Variants in RBFOX1 observed in about 807,000 individuals in gnomAD.
RBFOX1 encodes the protein RNA binding fox-1 homolog 1, also known as RNA binding protein fox-1 homolog 1.
RBFOX1 carries 8 observed loss-of-function variants against 57.7 expected under a neutral mutation model. That is an observed-to-expected ratio of 0.14 (90% CI 0.08 to 0.25). The LOEUF (loss-of-function observed/expected upper bound fraction) is 0.25, where lower values mean the gene tolerates loss of function less well. Ranked by LOEUF, RBFOX1 falls within the 10% of genes least tolerant of loss-of-function variation. The pLI is 1.00. For missense variants in RBFOX1, 611 were observed against 548.5 expected (o/e 1.11, Z -1.14); for synonymous variants, 326 against 222.4 (o/e 1.47, Z -4.15).
intron 1 of RBFOX1, among the ~76,000 whole-genome samples, chr16:5,255,524 C>G (rs1323849905): frequency 3.3e-5 from 5 of 151,792 alleles, no homozygotes; most frequent in Non-Finnish European, 7.4e-5. Flanking sequence ...ACCCATGCAT[C>G]TATCCACCCA....
intron 3 of RBFOX1, among the ~76,000 whole-genome samples, chr16:5,713,726 A>G (rs2051579686): frequency 6.6e-6 from 1 of 152,190 alleles, no homozygotes; most frequent in Admixed American, 6.5e-5. Context: ...CAAAGTGCCC[A>G]CAGCATCACA....
At chr16:6,751,276 G>A (rs754882840) in intron 3 of RBFOX1, among the ~76,000 whole-genome samples, 21 of 152,152 alleles carry the variant, frequency 1.4e-4, no homozygotes, top group African/African-American at 4.8e-5. Context: ...ATGGGGAGTA[G>A]GTGGCTAAGG....
chr16:7,435,055 A>T (rs1011108413), intron 4 of RBFOX1, among the ~76,000 whole-genome samples: 1 of 152,166 alleles, frequency 6.6e-6, no homozygotes, highest in Non-Finnish European at 1.5e-5. Flanking sequence ...TGGTACGTTT[A>T]TCACAACTAA....
intron 3 of RBFOX1, among the ~76,000 whole-genome samples, chr16:5,742,604 C>G (rs1266197802): frequency 6.6e-6 from 1 of 152,172 alleles, no homozygotes; most frequent in Non-Finnish European, 1.5e-5. Context: ...CATCAAAGCT[C>G]TTGGTCAAGC....
At position 6,835,005 on chromosome 16, in the gene RBFOX1, G is replaced by A. The variant is rs954539226; in HGVS notation, c.-16+180355G>A. On this transcript the variant is annotated intron_variant, in intron 3 of 15. Coordinates refer to ENST00000550418, the MANE Select transcript of RBFOX1 (RefSeq NM_018723.4). Reference sequence around the variant, plus strand: ...TCTCCCAGGTTCACGCCATTCTCCTGCCTCAGCCTCCTGAGTAGCTGGGAC... The same window carrying A: ...TCTCCCAGGTTCACGCCATTCTCCTACCTCAGCCTCCTGAGTAGCTGGGAC... Among the ~76,000 whole-genome samples, 6 of 150,844 alleles carry A rather than the reference G, an allele frequency of 4.0e-5. No individual in the cohort carries two copies. The East Asian group carries it at 7.9e-4, about 20-fold the overall frequency.
At position 5,541,132 on chromosome 16, in the gene RBFOX1, G is replaced by A. The variant is rs555651708; in HGVS notation, c.259-57770G>A. 2.6e-5 allele frequency among the ~76,000 whole-genome samples: 4 copies of A among 152,266 alleles called. No individual in the cohort carries two copies. In the East Asian group the frequency reaches 7.7e-4, roughly 29 times the overall value. On this transcript the variant is annotated intron_variant, in intron 2 of 2. Coordinates refer to the RBFOX1 transcript ENST00000585867. ...CCCAAAGTGCTGGGATTACAGACAT[G>A]AGCCTCCATGCCTGGCCTGAATCTG... is the stretch of plus-strand genomic sequence containing the variant.
chr16:6,436,590 G>T (rs2094242651), intron 2 of RBFOX1, among the ~76,000 whole-genome samples: 1 of 150,428 alleles, frequency 6.6e-6, no homozygotes, highest in African/African-American at 2.4e-5. Flanking sequence ...TTTTCTGGGG[G>T]GAAAAATTAC....
In RBFOX1 at chr16:7,518,359, G is replaced by T. The variant is rs1006821072; in HGVS notation, c.240G>T (p.Thr80=). The T allele has an allele frequency of 1.2e-6, 2 of 1,612,760 alleles. No individual in the cohort carries two copies. Among genetic ancestry groups the T allele is most frequent in the Middle Eastern group, 1.7e-4 (1 of 6,060 alleles). The part of the protein sequence containing the change: ...QTHSEQSPAD[T]SAQTVSGTAT... ...ACTCCGAGCAGAGCCCGGCGGACACGAGCGCTCAGACCGTCTCTGGCACCG... is the reference window on the plus strand; with the variant it reads ...ACTCCGAGCAGAGCCCGGCGGACACTAGCGCTCAGACCGTCTCTGGCACCG... Residue 80 remains threonine, a synonymous_variant, in exon 5 of 16, where the codon ACG becomes ACT. Transcript: ENST00000550418.
chr16:5,487,522 G>T (rs1344066343), intron 2 of RBFOX1, among the ~76,000 whole-genome samples: 1 of 152,200 alleles, frequency 6.6e-6, no homozygotes, highest in Non-Finnish European at 1.5e-5. Flanking sequence ...ACTCAAGTCT[G>T]GAAAGGTTGG....
intron 3 of RBFOX1, among the ~76,000 whole-genome samples, chr16:5,645,547 A>G (rs1032238912): frequency 6.6e-6 from 1 of 152,222 alleles, no homozygotes; most frequent in African/African-American, 2.4e-5. Context: ...TTTTCTATTT[A>G]TGTAAATTGT....
At chr16:7,460,368 A>AG (rs2059309292) in intron 4 of RBFOX1, among the ~76,000 whole-genome samples, 1 of 42,880 alleles carries the variant, frequency 2.3e-5, no homozygotes, top group Non-Finnish European at 3.7e-5. Context: ...ATCATTTAGC[A>AG]AAATATATAT....
intron 3 of RBFOX1, among the ~76,000 whole-genome samples, chr16:5,680,159 G>C (rs543289324): frequency 2.3e-4 from 35 of 152,102 alleles, no homozygotes; most frequent in Non-Finnish European, 4.3e-4. Context: ...GGGGGTAAAG[G>C]TACAAAAACA....
intron 4 of RBFOX1, among the ~76,000 whole-genome samples, chr16:5,959,760 C>T (rs567529687): frequency 1.7e-4 from 26 of 152,186 alleles, no homozygotes; most frequent in African/African-American, 4.8e-4. Flanking sequence ...TGTAGTGAGC[C>T]GAGATCGCAC....
chr16:6,589,070 T>C (rs2097672817), intron 2 of RBFOX1, among the ~76,000 whole-genome samples: 1 of 150,490 alleles, frequency 6.6e-6, no homozygotes. Flanking sequence ...AGTGACATGA[T>C]GCTTTTCTAA....
chr16:6,052,807 A>AAT (rs1555488786), intron 1 of RBFOX1, among the ~76,000 whole-genome samples: 1 of 74,016 alleles, frequency 1.4e-5, no homozygotes, highest in African/African-American at 3.3e-5. Flanking sequence ...AATAAAATAT[A>AAT]ATAATAATAA....
At chr16:6,366,008 A>G (rs2089535858) in intron 2 of RBFOX1, among the ~76,000 whole-genome samples, 1 of 151,762 alleles carries the variant, frequency 6.6e-6, no homozygotes, top group South Asian at 2.1e-4. Context: ...CATTTTAGAA[A>G]TAGAAGCCAC....
chr16:5,599,096 G>C, exon 3 of RBFOX1: 2 of 867,358 alleles, frequency 2.3e-6, no homozygotes, highest in Non-Finnish European at 3.7e-6. Flanking sequence ...AATTAACTGG[G>C]TTTGAGGGGA....
chr16:6,596,990 A>C (rs2097782453), intron 2 of RBFOX1, among the ~76,000 whole-genome samples: 1 of 152,138 alleles, frequency 6.6e-6, no homozygotes, highest in African/African-American at 2.4e-5. Context: ...TGAGCTCTCG[A>C]GAGGGGAACT....
chr16:7,056,412 A>G (rs2052283937), intron 4 of RBFOX1, among the ~76,000 whole-genome samples: 1 of 152,126 alleles, frequency 6.6e-6, no homozygotes, highest in African/African-American at 2.4e-5. Context: ...GGAGCTCACT[A>G]TGGAATCTGT....
Sources: gnomAD v4.1 joint callset for allele counts (sites outside exome capture counted in the v4.1 genomes callset) on GRCh38, gnomAD v4.1.1 for gene constraint, MANE v1.5 for transcripts, NCBI Gene and HGNC (gene_info 2026-07-23, HGNC 2026-07-21) for gene names.